MRPS9: variants seen among roughly 807,000 people sequenced by gnomAD.
MRPS9 encodes small ribosomal subunit protein uS9m.
In MRPS9, 45 loss-of-function variants were observed where a neutral mutation model predicts 59.9. The observed-to-expected ratio is 0.75, with a 90% CI of 0.59 to 0.96. MRPS9 has a LOEUF of 0.96. Ranked by LOEUF, MRPS9 falls within the 40% of genes least tolerant of loss-of-function variation. The probability of loss-of-function intolerance (pLI) is 0.00; values close to 1 mark genes in which losing one functional copy is unlikely to be tolerated. For missense variants in MRPS9, 473 were observed against 481.1 expected (o/e 0.98, Z 0.16); for synonymous variants, 171 against 166.8 (o/e 1.03, Z -0.19).
chr2:105,063,100 T>A (rs551562591), intron 2 of MRPS9, among the ~76,000 whole-genome samples: 1 of 152,334 alleles, frequency 6.6e-6, no homozygotes, highest in South Asian at 2.1e-4. Context: ...TGGTTGCTTC[T>A]TTTATCTGAA....
chr2:105,063,274 TCTAAAAAA>T (rs1679940335), intron 2 of MRPS9, among the ~76,000 whole-genome samples: 1 of 152,194 alleles, frequency 6.6e-6, no homozygotes, highest in African/African-American at 2.4e-5. Flanking sequence ...AGACCCAGTC[TCTAAAAAA>T]CAAACAAAAA....
rs1680105996 is a variant in MRPS9, at chr2:105,071,299, G to T, written c.316-14G>T. 1 of 1,606,900 alleles carries T rather than the reference G, an allele frequency of 6.2e-7. No homozygotes were observed. The highest frequency in any genetic ancestry group is 8.5e-7 in the Non-Finnish European group (1 of 1,176,644). ...ATATAACAGTTGTTAACTAACCTTT[G>T]TGTATATTTTCAGAGAGCTATTGCT... On this transcript the variant is annotated splice_polypyrimidine_tract_variant and intron_variant, in intron 2 of 10. Coordinates refer to ENST00000258455, the MANE Select transcript of MRPS9 (RefSeq NM_182640.3).
intron 5 of MRPS9, among the ~76,000 whole-genome samples, chr2:105,082,183 G>T (rs910710228): frequency 2.0e-5 from 3 of 152,162 alleles, no homozygotes; most frequent in Admixed American, 6.5e-5. Context: ...CCTGAAGACT[G>T]TGGCAAGCTT....
At chr2:105,057,939 A>T (rs1166630793) in intron 2 of MRPS9, among the ~76,000 whole-genome samples, 3 of 152,196 alleles carry the variant, frequency 2.0e-5, no homozygotes, top group African/African-American at 7.2e-5. Flanking sequence ...TTCAGGAAAA[A>T]AGCCAGCAAA....
At chr2:105,087,798 T>TG (rs1558762069) in intron 5 of MRPS9, among the ~76,000 whole-genome samples, 9 of 143,502 alleles carry the variant, frequency 6.3e-5, no homozygotes, top group African/African-American at 2.3e-4. Flanking sequence ...CCTCCTGCCT[T>TG]TTTTCCTTCC....
At position 105,093,514 on chromosome 2, in the gene MRPS9, T is replaced by G. The variant is rs1453425887; in HGVS notation, c.821-16T>G. On this transcript the variant is annotated splice_polypyrimidine_tract_variant and intron_variant, in intron 8 of 10. Coordinates refer to ENST00000258455, the MANE Select transcript of MRPS9 (RefSeq NM_182640.3). ...TCTTCAAGATATTTACTAATAGGAA[T>G]TTTATATTTTTGAAGGTAAAAGAAA... is the stretch of plus-strand genomic sequence containing the variant. 1 of 1,466,338 alleles carries G rather than the reference T, an allele frequency of 6.8e-7. No individual in the cohort carries two copies. Among genetic ancestry groups the G allele is most frequent in the Non-Finnish European group, 9.4e-7 (1 of 1,063,778 alleles). 90.8% of individuals were successfully genotyped at this position (1,466,338 alleles called of 1,614,324 possible). A position where few individuals can be genotyped will look rare whatever the true frequency, so the allele number is the denominator to read the frequency against.
chr2:105,038,957 G>A (rs1286198628), intron 1 of MRPS9, among the ~76,000 whole-genome samples: 4 of 152,140 alleles, frequency 2.6e-5, no homozygotes, highest in African/African-American at 9.7e-5. Flanking sequence ...ATTTCGAAAT[G>A]CCCTGTTACC....
At chr2:105,040,841 G>A (rs568919523) in intron 1 of MRPS9, among the ~76,000 whole-genome samples, 4 of 152,320 alleles carry the variant, frequency 2.6e-5, no homozygotes, top group African/African-American at 9.6e-5. Context: ...TTGTTGACCA[G>A]GTAGAGGATT....
At chr2:105,091,796 A>T (rs1028710333) in intron 7 of MRPS9, among the ~76,000 whole-genome samples, 3 of 144,462 alleles carry the variant, frequency 2.1e-5, no homozygotes, top group Non-Finnish European at 3.2e-5. Flanking sequence ...AAGAACTATT[A>T]AAAAAAATGC....
chr2:105,094,766 G>T (rs1415437692), intron 9 of MRPS9, among the ~76,000 whole-genome samples: 3 of 152,168 alleles, frequency 2.0e-5, no homozygotes, highest in African/African-American at 7.2e-5. Flanking sequence ...ATACCCCAGG[G>T]TTTGATAACT....
chr2:105,077,383 A>C (rs973918240), intron 4 of MRPS9, among the ~76,000 whole-genome samples: 14 of 152,356 alleles, frequency 9.2e-5, no homozygotes, highest in South Asian at 2.1e-4. Flanking sequence ...ATCATAGGGT[A>C]GCTAAATAAA....
intron 4 of MRPS9, among the ~76,000 whole-genome samples, chr2:105,072,114 C>T (rs1400354564): frequency 6.6e-6 from 1 of 152,110 alleles, no homozygotes; most frequent in Non-Finnish European, 1.5e-5. Context: ...ACCAGTAGTT[C>T]TCTGTTAACT....
intron 2 of MRPS9, among the ~76,000 whole-genome samples, chr2:105,065,855 G>C (rs1679989156): frequency 6.6e-6 from 1 of 152,170 alleles, no homozygotes; most frequent in South Asian, 2.1e-4. Context: ...TTTAACAACT[G>C]TGTGGTAACT....
chr2:105,059,577 GT>G (rs535555401), intron 2 of MRPS9, among the ~76,000 whole-genome samples: 3,184 of 145,826 alleles, frequency 0.022, 103 homozygotes, highest in African/African-American at 0.074. Context: ...TGTTTTTTTT[GT>G]TTTTTTTTTG....
intron 10 of MRPS9, 142 bp downstream of exon 10, chr2:105,097,466 C>T: frequency 3.9e-6 from 3 of 769,526 alleles, no homozygotes; most frequent in South Asian, 7.1e-5. Context: ...TTTCTTGCTA[C>T]AGAACCATAA....
intron 2 of MRPS9, among the ~76,000 whole-genome samples, chr2:105,057,521 A>C (rs1679817252): frequency 6.6e-6 from 1 of 152,228 alleles, no homozygotes; most frequent in Non-Finnish European, 1.5e-5. Context: ...TAAGCCCATG[A>C]GTGTGTAACA....
At chr2:105,039,322 T>TG (rs1371954856) in intron 1 of MRPS9, among the ~76,000 whole-genome samples, 15 of 152,000 alleles carry the variant, frequency 9.9e-5, no homozygotes, top group Non-Finnish European at 1.8e-4. Flanking sequence ...CATTTGTTTT[T>TG]TTTTTTTTTC....
At position 105,080,043 on chromosome 2, in the gene MRPS9, C is replaced by A; in HGVS notation, c.470C>A (p.Ser157Ter). The change falls in exon 5 of 11, where the codon TCA becomes TAA. Residue 157 changes from serine (S) to a stop codon, truncating the protein, a stop_gained. Transcript: ENST00000258455. LOFTEE classifies it high-confidence loss of function. Reference protein sequence around the residue: ...FHYLFYTGKQSYYSLMHDVYG... With the variant: ...FHYLFYTGKQ ...TATCTCTTCTATACTGGCAAACAGT[C>A]ATACTATTCATTAATGCATGTAAGT... 6.2e-7 allele frequency: 1 copy of A among 1,606,888 alleles called. No homozygotes were observed. The highest frequency in any genetic ancestry group is 1.1e-5 in the South Asian group (1 of 90,426).
intron 2 of MRPS9, among the ~76,000 whole-genome samples, chr2:105,063,958 CA>C (rs1370995598): frequency 6.6e-6 from 1 of 152,040 alleles, no homozygotes; most frequent in African/African-American, 2.4e-5. Flanking sequence ...GGCAACAGCA[CA>C]TAGGAGAAAG....
Sources: gnomAD v4.1 joint callset for allele counts (sites outside exome capture counted in the v4.1 genomes callset) on GRCh38, gnomAD v4.1.1 for gene constraint, MANE v1.5 for transcripts, NCBI Gene and HGNC (gene_info 2026-07-23, HGNC 2026-07-21) for gene names.